ENDOD1: variants seen among roughly 807,000 people sequenced by gnomAD.
The protein encoded by ENDOD1 is endonuclease domain containing 1.
A neutral mutation model predicts 6.5 loss-of-function variants in ENDOD1; 9 were observed. That is an observed-to-expected ratio of 1.39 (90% confidence interval 0.84 to 2.43). The LOEUF (loss-of-function observed/expected upper bound fraction) is 2.43. Among genes scored for constraint, ENDOD1 ranks in the 30% most tolerant of loss-of-function variants. The pLI is 0.00. For missense variants in ENDOD1, 648 were observed against 635.5 expected (o/e 1.02, Z -0.21); for synonymous variants, 255 against 255.2 (o/e 1.00, Z 0.01).
chr11:95,108,662 C>T (rs1415542052), intron 1 of ENDOD1, among the ~76,000 whole-genome samples: 1 of 152,038 alleles, frequency 6.6e-6, no homozygotes, highest in Non-Finnish European at 1.5e-5. Context: ...GGTGGGTTGG[C>T]ACTTTCTTTC....
rs1555111638 is a variant in ENDOD1 at position 95,108,534 on chromosome 11, C to CAAAAAAAAA, written c.300+18314_300+18315insAAAAAAAAA. On this transcript the variant is annotated intron_variant, in intron 1 of 1. Transcript: ENST00000278505. The stretch of plus-strand genomic sequence containing the variant: ...ACACACACACACACACACAGACACC[C>CAAAAAAAAA]AAAAAAAGAAAAAAGAAAAATGAGC... 1.3e-4 allele frequency among the ~76,000 whole-genome samples: 18 copies of CAAAAAAAAA among 141,754 alleles called. 1 individual carries two copies. Among genetic ancestry groups the CAAAAAAAAA allele is most frequent in the African/African-American group, 4.3e-4 (17 of 39,546 alleles). The allele number at this position is 141,754 out of a possible 152,430, so 93.0% of individuals were successfully genotyped here.
At chr11:95,124,445 G>C (rs1435428394) in intron 1 of ENDOD1, among the ~76,000 whole-genome samples, 1 of 152,198 alleles carries the variant, frequency 6.6e-6, no homozygotes, top group African/African-American at 2.4e-5. Flanking sequence ...GTTCTATCTT[G>C]TCATCAAACC....
intron 1 of ENDOD1, among the ~76,000 whole-genome samples, chr11:95,095,795 A>G (rs556450463): frequency 6.6e-6 from 1 of 152,374 alleles, no homozygotes; most frequent in Non-Finnish European, 1.5e-5. Context: ...AACAGCTTCT[A>G]GATGGCAAAA....
intron 1 of ENDOD1, among the ~76,000 whole-genome samples, chr11:95,107,333 C>G (rs1162481132): frequency 8.5e-6 from 1 of 116,978 alleles, no homozygotes; most frequent in South Asian, 2.9e-4. Context: ...GACTCAGTCT[C>G]AAAAAGAAAA....
chr11:95,130,939 G>A lies in ENDOD1; in HGVS notation c.*1360G>A, dbSNP rs1859364672. 6.6e-6 allele frequency: 1 copy of A among 152,244 alleles called. No individual in the cohort carries two copies. The highest frequency in any genetic ancestry group is 6.5e-5 in the Admixed American group (1 of 15,280). The allele number at this position is 152,244 out of a possible 1,614,324, so 9.4% of individuals were successfully genotyped here. A position where few individuals can be genotyped will look rare whatever the true frequency, so the allele number is the denominator to read the frequency against. On this transcript the variant is annotated 3_prime_UTR_variant, in exon 2 of 2. Coordinates refer to ENST00000278505, the MANE Select transcript of ENDOD1 (RefSeq NM_015036.3). The stretch of plus-strand genomic sequence containing the variant: ...AAAGAATTGCTGAGAGGTAGAAACA[G>A]CCAAGTATGAAATACTGATCTTGGG...
At chr11:95,112,611 C>G (rs609236) in intron 1 of ENDOD1, among the ~76,000 whole-genome samples, 116,184 of 152,140 alleles carry the variant, frequency 0.76, 45,351 homozygotes, top group East Asian at 0.88. Flanking sequence ...TGCCTTAAAG[C>G]CTTTGTGTAG....
chr11:95,129,019 C>G lies in ENDOD1; in HGVS notation c.943C>G (p.Leu315Val), dbSNP rs1313305126. ...TAGCACCAGGAGCAAGAGGTCTACT[C>G]TGTTGCCTCCAGAGGCATCTGAGGG... ...LSSTRSKRST[L>V]LPPEASEGSS... The change falls in exon 2 of 2, where the codon CTG becomes GTG. Residue 315 changes from leucine (L) to valine (V), a missense_variant. By Grantham distance (32) the Leu-to-Val change is conservative. Transcript: ENST00000278505. The G allele has an allele frequency of 1.2e-6, 2 of 1,613,982 alleles. No individual in the cohort carries two copies. Among genetic ancestry groups the G allele is most frequent in the Non-Finnish European group, 8.5e-7 (1 of 1,179,996 alleles).
At position 95,128,648 on chromosome 11, in the gene ENDOD1, G is replaced by A. The variant is rs766492378; in HGVS notation, c.572G>A (p.Gly191Asp). The A allele has an allele frequency of 1.4e-5, 22 of 1,613,966 alleles. No individual in the cohort carries two copies. Among genetic ancestry groups the A allele is most frequent in the Middle Eastern group, 1.6e-4 (1 of 6,082 alleles). The change falls in exon 2 of 2, where the codon GGC becomes GAC. Residue 191 changes from glycine (G) to aspartate (D), a missense_variant. Coordinates refer to ENST00000278505, the MANE Select transcript of ENDOD1 (RefSeq NM_015036.3). ...GACCGGGCTTTGACCCCACAGTGTG[G>A]CAGTGGGGAAGACCTATATATCCTC... Reference protein sequence around the residue: ...LMDRALTPQCGSGEDLYILTG... With the variant: ...LMDRALTPQCDSGEDLYILTG...
At chr11:95,115,624 T>C (rs373379052) in intron 1 of ENDOD1, among the ~76,000 whole-genome samples, 6 of 152,272 alleles carry the variant, frequency 3.9e-5, no homozygotes, top group African/African-American at 1.4e-4. Flanking sequence ...AGTATGATAC[T>C]AGTTGTGGGT....
chr11:95,116,473 C>T (rs1164509168), intron 1 of ENDOD1, among the ~76,000 whole-genome samples: 3 of 151,936 alleles, frequency 2.0e-5, no homozygotes, highest in African/African-American at 7.2e-5. Flanking sequence ...GTATTGTTTT[C>T]TACATTTCAG....
At chr11:95,114,935 C>T (rs1859191249) in intron 1 of ENDOD1, among the ~76,000 whole-genome samples, 1 of 152,112 alleles carries the variant, frequency 6.6e-6, no homozygotes, top group Admixed American at 6.6e-5. Flanking sequence ...TATGATTCCT[C>T]CTGTTTTGTT....
At chr11:95,120,170 T>C (rs563442266) in intron 1 of ENDOD1, among the ~76,000 whole-genome samples, 1 of 152,308 alleles carries the variant, frequency 6.6e-6, no homozygotes, top group East Asian at 1.9e-4. Flanking sequence ...GTGGCTGAGC[T>C]GGTACCTGAG....
rs560456060 is a variant in ENDOD1 at position 95,090,427 on chromosome 11, A to G, written c.300+200A>G. Among the ~76,000 whole-genome samples the G allele has an allele frequency of 4.0e-5, 6 of 151,852 alleles. No individual in the cohort carries two copies. The East Asian group carries it at 9.8e-4, about 25-fold the overall frequency. On this transcript the variant is annotated intron_variant, in intron 1 of 1. Transcript: ENST00000278505. ...CCTGCCTCGCCCCTGTCGAGCTACA[A>G]TAAGAGCCTGGCGATCTGCGAGCCT...
intron 1 of ENDOD1, among the ~76,000 whole-genome samples, chr11:95,107,910 G>C (rs960893042): frequency 6.6e-6 from 1 of 151,982 alleles, no homozygotes; most frequent in African/African-American, 2.4e-5. Flanking sequence ...CTCGTGATCC[G>C]CCCGCCTTGG....
chr11:95,097,249 A>G (rs1555110423), intron 1 of ENDOD1, among the ~76,000 whole-genome samples: 3 of 152,182 alleles, frequency 2.0e-5, no homozygotes, highest in African/African-American at 4.8e-5. Context: ...GTGAAGTTTA[A>G]AACAAGGTTT....
chr11:95,090,489 G>T (rs545809016), intron 1 of ENDOD1, among the ~76,000 whole-genome samples: 33 of 152,332 alleles, frequency 2.2e-4, no homozygotes, highest in Non-Finnish European at 4.7e-4. Flanking sequence ...GTCCCCTGTG[G>T]GAGGAGGTTC....
chr11:95,095,112 C>A (rs1858971226), intron 1 of ENDOD1, among the ~76,000 whole-genome samples: 1 of 152,216 alleles, frequency 6.6e-6, no homozygotes, highest in Non-Finnish European at 1.5e-5. Context: ...TACAATTCTG[C>A]AAATCTCTCC....
intron 1 of ENDOD1, among the ~76,000 whole-genome samples, chr11:95,108,535 A>ACACACACACACACACACACAC (rs1325896470): frequency 6.7e-6 from 1 of 148,240 alleles, no homozygotes; most frequent in African/African-American, 2.5e-5. Flanking sequence ...ACAGACACCC[A>ACACACACACACACACACACAC]AAAAAAGAAA....
chr11:95,096,227 C>CTTTTTTTTTTTT lies in ENDOD1; in HGVS notation c.300+6014_300+6025dup, dbSNP rs10660230. 1.5e-3 allele frequency among the ~76,000 whole-genome samples: 74 copies of CTTTTTTTTTTTT among 49,964 alleles called. 22 individuals carry two copies. The highest frequency in any genetic ancestry group is 4.1e-3 in the East Asian group (6 of 1,476). The allele number at this position is 49,964 out of a possible 152,430, so 32.8% of individuals were successfully genotyped here. ...CTAGAATTACTGTTAGTCAAGAAAG[C>CTTTTTTTTTTTT]TTTTTTTTTTTTTTTTTTTTTTTTT... On this transcript the variant is annotated intron_variant, in intron 1 of 1. Transcript: ENST00000278505.
Sources: allele counts gnomAD v4.1 joint callset (sites outside exome capture counted in the v4.1 genomes callset), GRCh38; gene constraint gnomAD v4.1.1; transcripts MANE v1.5; gene names NCBI Gene and HGNC (gene_info 2026-07-23, HGNC 2026-07-21).